Variants in TMEM44 observed in about 807,000 individuals in gnomAD.
TMEM44 encodes the protein transmembrane protein 44.
In TMEM44, 43 loss-of-function variants were observed where a neutral mutation model predicts 47.8. The observed-to-expected ratio is 0.90, with a 90% CI of 0.70 to 1.16. The LOEUF (loss-of-function observed/expected upper bound fraction) is 1.16. Among genes scored for constraint, TMEM44 ranks in the 50% most tolerant of loss-of-function variants. The probability of loss-of-function intolerance (pLI) is 0.00; values close to 1 mark genes in which losing one functional copy is unlikely to be tolerated. For synonymous variants in TMEM44, 277 were observed against 238.8 expected (o/e 1.16, Z -1.48); for missense variants, 568 against 555.2 (o/e 1.02, Z -0.23).
Position 194,632,915 on chromosome 3 carries a change from A to G in TMEM44, c.137+164T>C, listed in dbSNP as rs529251994. The G allele has an allele frequency of 6.9e-5, 75 of 1,087,736 alleles. No individual in the cohort carries two copies. In the Admixed American group the frequency reaches 1.0e-3, roughly 15 times the overall value. 67.4% of individuals were successfully genotyped at this position (1,087,736 alleles called of 1,614,324 possible). ...TTCCCTGTGCGTGGGATCCGGAAAG[A>G]AGATCCCACTTCAGTCTACAGAGCA... On this transcript the variant is annotated intron_variant, in intron 1 of 9. Transcript: ENST00000347147.
rs1319889065 is a variant in TMEM44 at position 194,611,778 on chromosome 3, T to C, written c.913-758A>G. Reference sequence around the variant, plus strand: ...GGCTCACGCCTGTAATCCCAGCACTTTGGGAGGCCGAGGCAGGCCGATCAC... The same window carrying C: ...GGCTCACGCCTGTAATCCCAGCACTCTGGGAGGCCGAGGCAGGCCGATCAC... On this transcript the variant is annotated intron_variant, in intron 7 of 9. Transcript: ENST00000347147. The surrounding 1 kb of genome is among the most constrained non-coding windows in gnomAD (Gnocchi z 4.2). 1.3e-5 allele frequency among the ~76,000 whole-genome samples: 2 copies of C among 152,078 alleles called. No homozygotes were observed. Among genetic ancestry groups the C allele is most frequent in the Admixed American group, 6.6e-5 (1 of 15,258 alleles).
intron 3 of TMEM44, 128 bp downstream of exon 3, chr3:194,625,769 C>T (rs960887636): frequency 2.5e-5 from 20 of 799,570 alleles, no homozygotes; most frequent in South Asian, 7.5e-5. Context: ...CGTGAGCCAC[C>T]GCGCCCAGCC....
At chr3:194,594,349 G>C (rs1020438455) in intron 9 of TMEM44, among the ~76,000 whole-genome samples, 8 of 151,406 alleles carry the variant, frequency 5.3e-5, no homozygotes, top group Non-Finnish European at 1.2e-4. Context: ...TTTTAGTAGA[G>C]ATGGGGTTTC....
chr3:194,595,126 A>G (rs1254941290), intron 9 of TMEM44, among the ~76,000 whole-genome samples: 1 of 152,224 alleles, frequency 6.6e-6, no homozygotes, highest in Non-Finnish European at 1.5e-5. Flanking sequence ...GGCCTCTACA[A>G]AGATTAAATA....
At chr3:194,629,749 C>T (rs1351137897) in intron 1 of TMEM44, among the ~76,000 whole-genome samples, 5 of 83,646 alleles carry the variant, frequency 6.0e-5, no homozygotes, top group African/African-American at 2.3e-4. Context: ...CTGTTTCCAT[C>T]GGCGTCACTG....
rs958502678 is a variant in TMEM44, at chr3:194,625,435, G to GT, written c.358+461_358+462insA. ...GAGACACTCTCCTTCTTTTTTGGGG[G>GT]GGGGGGGTTGTTTTTGTTTTTTGTT... is the stretch of plus-strand genomic sequence containing the variant. On this transcript the variant is annotated intron_variant, in intron 3 of 9. Coordinates refer to ENST00000347147, the MANE Select transcript of TMEM44 (RefSeq NM_001011655.3). Among the ~76,000 whole-genome samples the GT allele has an allele frequency of 1.2e-3, 136 of 117,714 alleles. 2 individuals are homozygous for GT. The highest frequency in any genetic ancestry group is 2.3e-3 in the Non-Finnish European group (123 of 53,942). The allele number at this position is 117,714 out of a possible 152,430, so 77.2% of individuals were successfully genotyped here. A position where few individuals can be genotyped will look rare whatever the true frequency, so the allele number is the denominator to read the frequency against.
Position 194,608,762 on chromosome 3 carries a change from C to T in TMEM44, c.1017+2154G>A, listed in dbSNP as rs115388576. Among the ~76,000 whole-genome samples the T allele has an allele frequency of 4.8e-3, 729 of 152,248 alleles. 5 individuals carry two copies. The highest frequency in any genetic ancestry group is 0.016 in the African/African-American group (648 of 41,550). ...CTCGCTATGTGGTCCAGGCTGGTCTCGAACTCCTGGCCTCAAGCGATACTC... is the reference window on the plus strand; with the variant it reads ...CTCGCTATGTGGTCCAGGCTGGTCTTGAACTCCTGGCCTCAAGCGATACTC... On this transcript the variant is annotated intron_variant, in intron 8 of 9. Coordinates refer to ENST00000347147, the MANE Select transcript of TMEM44 (RefSeq NM_001011655.3).
intron 9 of TMEM44, among the ~76,000 whole-genome samples, chr3:194,593,370 T>C (rs1712998227): frequency 1.3e-5 from 2 of 152,228 alleles, no homozygotes; most frequent in African/African-American, 4.8e-5. Context: ...ATTATTATTA[T>C]TATTAGGAGG....
Position 194,633,129 on chromosome 3 carries a change from G to A in TMEM44, c.87C>T (p.Ser29=). 3.9e-6 allele frequency: 6 copies of A among 1,551,842 alleles called. No homozygotes were observed. Among genetic ancestry groups the A allele is most frequent in the Non-Finnish European group, 5.2e-6 (6 of 1,148,264 alleles). Residue 29 remains serine (S), a synonymous_variant, in exon 1 of 10, where the codon TCC becomes TCT. Coordinates refer to ENST00000347147, the MANE Select transcript of TMEM44 (RefSeq NM_001011655.3). ...AGGAGGCGCAGATCCACAGGCCGAA[G>A]GAGATGCAGACGCGGTGGCGGGCGA... ...RCFARHRVCI[S]FGLWICASSC... is the part of the protein sequence containing the mutation.
At chr3:194,620,703 T>C (rs1327061236) in intron 5 of TMEM44, among the ~76,000 whole-genome samples, 2 of 152,202 alleles carry the variant, frequency 1.3e-5, no homozygotes, top group African/African-American at 4.8e-5. Flanking sequence ...GGTGGTGTTA[T>C]GAGTTGCAAT....
intron 2 of TMEM44, among the ~76,000 whole-genome samples, chr3:194,626,839 A>G (rs1038354853): frequency 6.6e-6 from 1 of 151,322 alleles, no homozygotes; most frequent in Admixed American, 6.6e-5. Context: ...GCCTGCCACC[A>G]CGCCCGGCTA....
intron 9 of TMEM44, among the ~76,000 whole-genome samples, chr3:194,598,853 G>A (rs988698204): frequency 6.6e-6 from 1 of 152,100 alleles, no homozygotes; most frequent in African/African-American, 2.4e-5. Context: ...AGGTAAACAC[G>A]TCACCTTAAA....
At chr3:194,608,569 G>T (rs1467772121) in intron 8 of TMEM44, among the ~76,000 whole-genome samples, 2 of 152,248 alleles carry the variant, frequency 1.3e-5, no homozygotes, top group Non-Finnish European at 2.9e-5. Flanking sequence ...TCCTGCTTCG[G>T]ACTGGGTGGT....
chr3:194,625,504 C>T lies in TMEM44; in HGVS notation c.358+393G>A, dbSNP rs548781009. 1.1e-4 allele frequency among the ~76,000 whole-genome samples: 16 copies of T among 151,044 alleles called. No individual in the cohort carries two copies. The East Asian group carries it at 3.2e-3, about 30-fold the overall frequency. ...CGCTCTGTCACCAGGTTTGTTGAGACGGACTCTTGCTCTGTCGCCAGGCTG... is the reference window on the plus strand; with the variant it reads ...CGCTCTGTCACCAGGTTTGTTGAGATGGACTCTTGCTCTGTCGCCAGGCTG... On this transcript the variant is annotated intron_variant, in intron 3 of 9. Transcript: ENST00000347147.
intron 8 of TMEM44, among the ~76,000 whole-genome samples, chr3:194,604,699 T>G (rs1482318565): frequency 6.6e-6 from 1 of 152,210 alleles, no homozygotes; most frequent in Non-Finnish European, 1.5e-5. Flanking sequence ...ATTTCCAAAA[T>G]GATAGCACAC....
At position 194,623,284 on chromosome 3, in the gene TMEM44, C is replaced by T; in HGVS notation, c.552G>A (p.Leu184=). 1.2e-6 allele frequency: 2 copies of T among 1,610,860 alleles called. No individual in the cohort carries two copies. Among genetic ancestry groups the T allele is most frequent in the Non-Finnish European group, 1.7e-6 (2 of 1,178,602 alleles). Residue 184 remains leucine, a synonymous_variant, in exon 5 of 10, where the codon CTG becomes CTA. Transcript: ENST00000347147. ...AGCCAAAGGCAGCAACGCTACCCAG[C>T]AGGTAGCCGAGGATCTCAGTATTTT... is the stretch of plus-strand genomic sequence containing the variant. The part of the protein sequence containing the change: ...LQENTEILGY[L]LGSVAAFGSW...
In TMEM44 at chr3:194,588,502, G is replaced by A. The variant is rs1458028386; in HGVS notation, c.*27C>T. On this transcript the variant is annotated 3_prime_UTR_variant, in exon 10 of 10. Coordinates refer to ENST00000347147, the MANE Select transcript of TMEM44 (RefSeq NM_001011655.3). ...GAACGAACTCCTGACCCTGGGCTCT[G>A]AGCTGATGAGCTGGCTCCAGAAGGT... is the stretch of plus-strand genomic sequence containing the variant. 7 of 1,604,624 alleles carry A rather than the reference G, an allele frequency of 4.4e-6. No individual in the cohort carries two copies. In the African/African-American group the frequency reaches 6.7e-5, roughly 15 times the overall value.
intron 8 of TMEM44, among the ~76,000 whole-genome samples, chr3:194,608,667 T>C (rs931385873): frequency 5.3e-5 from 8 of 152,046 alleles, no homozygotes; most frequent in Admixed American, 3.9e-4. Flanking sequence ...AGGGAGAGCA[T>C]TCTGGGCAGA....
Position 194,617,280 on chromosome 3 carries a change from A to AGAGG in TMEM44, c.613-15_613-12dup, listed in dbSNP as rs1716016402. 1 of 920,066 alleles carries AGAGG rather than the reference A, an allele frequency of 1.1e-6. No individual in the cohort carries two copies. Among genetic ancestry groups the AGAGG allele is most frequent in the African/African-American group, 1.7e-5 (1 of 57,902 alleles). The allele number at this position is 920,066 out of a possible 1,614,324, so 57.0% of individuals were successfully genotyped here. The stretch of plus-strand genomic sequence containing the variant: ...TGTCTTCCCCCGGCACTGGGCAGAG[A>AGAGG]GAGGGAGGGGCTGGGCGGGAGAAGC... On this transcript the variant is annotated splice_polypyrimidine_tract_variant and intron_variant, in intron 5 of 9. Coordinates refer to ENST00000347147, the MANE Select transcript of TMEM44 (RefSeq NM_001011655.3).
Sources: allele counts gnomAD v4.1 joint callset (sites outside exome capture counted in the v4.1 genomes callset), GRCh38; gene constraint gnomAD v4.1.1; non-coding constraint Gnocchi (gnomAD v3.1); transcripts MANE v1.5; gene names NCBI Gene and HGNC (gene_info 2026-07-23, HGNC 2026-07-21).